The following ITPR1 variants were observed in gnomAD, a reference collection of about 807,000 sequenced individuals.
The protein encoded by ITPR1 is inositol 1,4,5-trisphosphate receptor type 1, also known as inositol 1,4,5-trisphosphate-gated calcium channel ITPR1.
A neutral mutation model predicts 318.4 loss-of-function variants in ITPR1; 96 were observed. That is an observed-to-expected ratio of 0.30 (90% CI 0.26 to 0.36). The LOEUF is 0.36. Ranked by LOEUF, ITPR1 falls within the 10% of genes least tolerant of loss-of-function variation. The pLI is 1.00. For missense variants in ITPR1, 2,440 were observed against 3,460.2 expected (o/e 0.71, Z 7.40); for synonymous variants, 1,312 against 1,289.9 (o/e 1.02, Z -0.37).
At position 4,789,596 on chromosome 3, in the gene ITPR1, GTTTTGTTTTTGT is replaced by G. The variant is rs71053444; in HGVS notation, c.6808+1486_6808+1497del. Among the ~76,000 whole-genome samples, 186 of 108,204 alleles carry G rather than the reference GTTTTGTTTTTGT, an allele frequency of 1.7e-3. 4 individuals carry two copies. The highest frequency in any genetic ancestry group is 7.6e-4 in the Non-Finnish European group (39 of 51,178). The allele number at this position is 108,204 out of a possible 152,430, so 71.0% of individuals were successfully genotyped here. A position where few individuals can be genotyped will look rare whatever the true frequency, so the allele number is the denominator to read the frequency against. ...CAGCTTTAGGGAATAATCCTGAGGTGTTTTGTTTTTGTTTTTGTTTTTGTTTTTGTTTTTGTT... is the reference window on the plus strand; with the variant it reads ...CAGCTTTAGGGAATAATCCTGAGGTGTTTTGTTTTTGTTTTTGTTTTTGTT... On this transcript the variant is annotated intron_variant, in intron 52 of 61. Coordinates refer to ENST00000649015, the MANE Select transcript of ITPR1 (RefSeq NM_001378452.1).
At position 4,547,445 on chromosome 3, in the gene ITPR1, A is replaced by G. The variant is rs142477746; in HGVS notation, c.163+26351A>G. On this transcript the variant is annotated intron_variant, in intron 4 of 61. Coordinates refer to ENST00000649015, the MANE Select transcript of ITPR1 (RefSeq NM_001378452.1). ...TACTGCTCCTGGGCCTCCTACTTCC[A>G]TTTCCCTCTAGATGACATGGATTTG... Among the ~76,000 whole-genome samples, 1,114 of 152,210 alleles carry G rather than the reference A, an allele frequency of 7.3e-3. 9 individuals are homozygous for G. Among genetic ancestry groups the G allele is most frequent in the African/African-American group, 0.023 (974 of 41,510 alleles).
chr3:4,664,914 G>A (rs2093913836), intron 16 of ITPR1, among the ~76,000 whole-genome samples: 1 of 152,216 alleles, frequency 6.6e-6, no homozygotes, highest in Non-Finnish European at 1.5e-5. Flanking sequence ...TCTAAGCACT[G>A]TGCTGTTAGG....
chr3:4,529,699 AT>A (rs1279311369), intron 4 of ITPR1, among the ~76,000 whole-genome samples: 1 of 152,082 alleles, frequency 6.6e-6, no homozygotes, highest in Non-Finnish European at 1.5e-5. Context: ...TGAATTAAAA[AT>A]TTTTTTTGGT....
chr3:4,741,024 G>A (rs865863112), intron 44 of ITPR1, among the ~76,000 whole-genome samples: 47 of 152,238 alleles, frequency 3.1e-4, no homozygotes, highest in Middle Eastern at 3.4e-3. Context: ...GCTCAGCAGG[G>A]CTCACGGCAC....
intron 4 of ITPR1, among the ~76,000 whole-genome samples, chr3:4,625,940 A>G (rs553425291): frequency 2.0e-5 from 3 of 152,308 alleles, no homozygotes; most frequent in South Asian, 4.1e-4. Context: ...GGGAGTGTCA[A>G]TTTTAAATAT....
At chr3:4,564,625 C>T (rs2087029106) in intron 4 of ITPR1, among the ~76,000 whole-genome samples, 1 of 152,268 alleles carries the variant, frequency 6.6e-6, no homozygotes, top group Admixed American at 6.5e-5. Flanking sequence ...TTGTTCCTCC[C>T]ACCATGGGAG....
intron 5 of ITPR1, among the ~76,000 whole-genome samples, chr3:4,633,743 G>A (rs943250964): frequency 1.3e-5 from 2 of 152,228 alleles, no homozygotes; most frequent in African/African-American, 4.8e-5. Context: ...TTTTCTGACA[G>A]CAGCATAGCT....
At chr3:4,776,013 A>G (rs1382696119) in intron 47 of ITPR1, among the ~76,000 whole-genome samples, 5 of 152,254 alleles carry the variant, frequency 3.3e-5, no homozygotes, top group Non-Finnish European at 5.9e-5. Context: ...GAGTAGAGTC[A>G]TTGCTTATAC....
intron 4 of ITPR1, among the ~76,000 whole-genome samples, chr3:4,592,351 TA>T (rs1425192072): frequency 1.3e-5 from 2 of 152,250 alleles, no homozygotes; most frequent in African/African-American, 4.8e-5. Flanking sequence ...TCATTGTACG[TA>T]AACATTTGCA....
At chr3:4,782,856 G>T in intron 50 of ITPR1, 115 bp downstream of exon 50, 1 of 963,230 alleles carries the variant, frequency 1.0e-6, no homozygotes, top group Non-Finnish European at 1.4e-6. Flanking sequence ...AGGACTGTCT[G>T]TACTCATGAG....
intron 4 of ITPR1, among the ~76,000 whole-genome samples, chr3:4,566,297 T>C (rs1355365132): frequency 1.3e-5 from 2 of 152,136 alleles, no homozygotes; most frequent in Non-Finnish European, 2.9e-5. Flanking sequence ...TGATAATTGC[T>C]TTTCAGATGG....
intron 4 of ITPR1, among the ~76,000 whole-genome samples, chr3:4,533,665 A>G (rs2083604118): frequency 6.6e-6 from 1 of 152,226 alleles, no homozygotes; most frequent in Non-Finnish European, 1.5e-5. Flanking sequence ...AGTGGAGTAT[A>G]CAAAGGAATC....
intron 4 of ITPR1, among the ~76,000 whole-genome samples, chr3:4,579,256 C>T (rs1197165535): frequency 6.6e-6 from 1 of 152,146 alleles, no homozygotes; most frequent in African/African-American, 2.4e-5. Flanking sequence ...GTACCTAGAA[C>T]GTTGTTACTG....
Position 4,653,888 on chromosome 3 carries a change from T to G in ITPR1, c.996+2T>G, listed in dbSNP as rs1223813706. 1 of 1,606,448 alleles carries G rather than the reference T, an allele frequency of 6.2e-7. No individual in the cohort carries two copies. The highest frequency in any genetic ancestry group is 8.5e-7 in the Non-Finnish European group (1 of 1,174,014). On this transcript the variant is annotated splice_donor_variant, in intron 12 of 61. Transcript: ENST00000649015. LOFTEE classifies it high-confidence loss of function. The stretch of plus-strand genomic sequence containing the variant: ...GAATGCCTGGAGTTTCAGCCCTCAG[T>G]AAGTATGGACAAGAGCCTTCTTGTC...
chr3:4,602,726 C>T (rs2091390434), intron 4 of ITPR1, among the ~76,000 whole-genome samples: 1 of 152,008 alleles, frequency 6.6e-6, no homozygotes, highest in African/African-American at 2.4e-5. Flanking sequence ...ATGAACCTTG[C>T]AAACCTCGTG....
At chr3:4,658,070 A>G in intron 12 of ITPR1, 54 bp from the exon 13 acceptor site, 1 of 1,510,088 alleles carries the variant, frequency 6.6e-7, no homozygotes, top group Admixed American at 1.9e-5. Context: ...ATAATTGTAG[A>G]AAGTGAAGGC....
At position 4,823,815 on chromosome 3, in the gene ITPR1, T is replaced by C. The variant is rs368864279; in HGVS notation, c.8028+5573T>C. 4.6e-5 allele frequency among the ~76,000 whole-genome samples: 7 copies of C among 152,296 alleles called. No homozygotes were observed. In the East Asian group the frequency reaches 9.6e-4, roughly 21 times the overall value. ...TGGGTGATGGACGCCCTAGATACCTTGACTGGATCACTAGGCACTATATAC... is the reference window on the plus strand; with the variant it reads ...TGGGTGATGGACGCCCTAGATACCTCGACTGGATCACTAGGCACTATATAC... On this transcript the variant is annotated intron_variant, in intron 60 of 61. Coordinates refer to ENST00000649015, the MANE Select transcript of ITPR1 (RefSeq NM_001378452.1).
rs149339933 is a variant in ITPR1 at position 4,783,908 on chromosome 3, G to A, written c.6603G>A (p.Thr2201=). The A allele has an allele frequency of 1.4e-5, 22 of 1,604,376 alleles. No individual in the cohort carries two copies. The highest frequency in any genetic ancestry group is 3.4e-5 in the South Asian group (3 of 88,952). Residue 2201 remains threonine (T), a synonymous_variant, in exon 51 of 62, where the codon ACG becomes ACA. Coordinates refer to ENST00000649015, the MANE Select transcript of ITPR1 (RefSeq NM_001378452.1). The part of the protein sequence containing the change: ...DEALEFYAKH[T]AQIEIVRLDR... ...CCCTGGAGTTTTATGCCAAGCACAC[G>A]GCGCAGATAGAGGTAAAAGCTGAGT... is the stretch of plus-strand genomic sequence containing the variant.
intron 60 of ITPR1, among the ~76,000 whole-genome samples, chr3:4,828,591 C>T (rs2050233951): frequency 6.6e-6 from 1 of 152,190 alleles, no homozygotes. Context: ...GGTCCCTGTG[C>T]ACCATGGCAC....
Sources: gnomAD v4.1 joint callset for allele counts (sites outside exome capture counted in the v4.1 genomes callset) on GRCh38, gnomAD v4.1.1 for gene constraint, MANE v1.5 for transcripts, NCBI Gene and HGNC (gene_info 2026-07-23, HGNC 2026-07-21) for gene names.